MECOM: variants seen among roughly 807,000 people sequenced by gnomAD.
MECOM encodes the protein histone-lysine N-methyltransferase MECOM.
MECOM carries 13 observed loss-of-function variants against 116.3 expected under a neutral mutation model. The observed-to-expected ratio is 0.11, with a 90% CI of 0.07 to 0.18. The LOEUF is 0.18. Among genes scored for constraint, MECOM ranks in the 10% least tolerant of loss-of-function variants. The pLI, the probability that MECOM is intolerant of heterozygous loss-of-function variation, is 1.00. For synonymous variants in MECOM, 528 were observed against 535.2 expected, an observed-to-expected ratio of 0.99 and a Z score of 0.19; for missense variants, 1,299 against 1,509.0, an observed-to-expected ratio of 0.86 and a Z score of 2.31.
At chr3:169,525,944 G>A (rs554615670) in intron 1 of MECOM, among the ~76,000 whole-genome samples, 8 of 152,030 alleles carry the variant, frequency 5.3e-5, no homozygotes, top group Admixed American at 3.3e-4. Context: ...CAGGAGAATC[G>A]CTTGAACCCA....
intron 1 of MECOM, among the ~76,000 whole-genome samples, chr3:169,430,408 A>T (rs1578077030): frequency 6.6e-6 from 1 of 152,190 alleles, no homozygotes; most frequent in Non-Finnish European, 1.5e-5. Context: ...ATTAATTGTG[A>T]TTTTATCATT....
intron 1 of MECOM, among the ~76,000 whole-genome samples, chr3:169,463,584 A>G (rs890717979): frequency 1.3e-5 from 2 of 152,176 alleles, no homozygotes; most frequent in African/African-American, 2.4e-5. Flanking sequence ...AAATTATTAT[A>G]TTTTAAACTC....
chr3:169,602,390 T>G (rs964026985), intron 1 of MECOM, among the ~76,000 whole-genome samples: 4 of 152,214 alleles, frequency 2.6e-5, no homozygotes, highest in African/African-American at 9.7e-5. Context: ...TATGCTCAAA[T>G]AGTATTTTTA....
chr3:169,363,816 C>T (rs1167231744), intron 2 of MECOM, among the ~76,000 whole-genome samples: 4 of 151,690 alleles, frequency 2.6e-5, no homozygotes, highest in Non-Finnish European at 4.4e-5. Context: ...ATTTTCCCAC[C>T]GCACAATGGC....
intron 1 of MECOM, chr3:169,472,912 T>TAAAA: frequency 1.1e-6 from 1 of 944,658 alleles, no homozygotes; most frequent in Non-Finnish European, 1.3e-6. Context: ...TCACATGTTC[T>TAAAA]AAAAATCAAT....
At position 169,152,348 on chromosome 3, in the gene MECOM, G is replaced by A. The variant is rs901897796; in HGVS notation, c.376-8516C>T. 1.4e-4 allele frequency among the ~76,000 whole-genome samples: 22 copies of A among 152,142 alleles called. No homozygotes were observed. In the South Asian group the frequency reaches 2.5e-3, roughly 17 times the overall value. On this transcript the variant is annotated intron_variant, in intron 2 of 16. Coordinates refer to ENST00000651503, the MANE Select transcript of MECOM (RefSeq NM_004991.4). ...TTTCCCTTGGTCTGGAAATGGGCCCGACTGAAAGCATGTTAATCTCCACCT... is the reference window on the plus strand; with the variant it reads ...TTTCCCTTGGTCTGGAAATGGGCCCAACTGAAAGCATGTTAATCTCCACCT...
chr3:169,282,187 A>G (rs1014818736), intron 2 of MECOM, among the ~76,000 whole-genome samples: 1 of 152,228 alleles, frequency 6.6e-6, no homozygotes, highest in Non-Finnish European at 1.5e-5. Flanking sequence ...AAAATAGAGT[A>G]TAAGCCTATT....
At chr3:169,172,606 T>C (rs1681597141) in intron 2 of MECOM, among the ~76,000 whole-genome samples, 1 of 152,166 alleles carries the variant, frequency 6.6e-6, no homozygotes, top group African/African-American at 2.4e-5. Context: ...ATTGCAACTT[T>C]ATGAAACTGA....
chr3:169,459,062 G>A (rs1746997738), intron 1 of MECOM, among the ~76,000 whole-genome samples: 1 of 152,178 alleles, frequency 6.6e-6, no homozygotes, highest in Non-Finnish European at 1.5e-5. Context: ...TACCTGTATT[G>A]GGAAGGTTGT....
chr3:169,165,138 A>G (rs756245183), intron 2 of MECOM, among the ~76,000 whole-genome samples: 3 of 152,214 alleles, frequency 2.0e-5, no homozygotes, highest in African/African-American at 4.8e-5. Context: ...GTGAAGACAC[A>G]TATAGATACA....
chr3:169,500,419 T>C (rs1348111293), intron 1 of MECOM, among the ~76,000 whole-genome samples: 3 of 152,020 alleles, frequency 2.0e-5, no homozygotes, highest in Non-Finnish European at 2.9e-5. Flanking sequence ...AACCTGTGTA[T>C]GTCAAAAAGA....
chr3:169,534,122 A>G (rs1488704430), intron 1 of MECOM, among the ~76,000 whole-genome samples: 2 of 152,198 alleles, frequency 1.3e-5, no homozygotes, highest in Non-Finnish European at 2.9e-5. Flanking sequence ...CAGCAGATGC[A>G]CTATGAATTT....
At chr3:169,494,227 G>C (rs1045945581) in intron 1 of MECOM, among the ~76,000 whole-genome samples, 23 of 151,958 alleles carry the variant, frequency 1.5e-4, no homozygotes, top group African/African-American at 5.6e-4. Context: ...AATTTTAAGT[G>C]ATGTTGCTCT....
At chr3:169,610,256 G>A (rs977060070) in intron 1 of MECOM, among the ~76,000 whole-genome samples, 2 of 152,086 alleles carry the variant, frequency 1.3e-5, no homozygotes, top group Admixed American at 1.3e-4. Context: ...GTAAATAAAG[G>A]AATACGATCT....
chr3:169,309,226 T>A (rs940144105), intron 2 of MECOM, among the ~76,000 whole-genome samples: 3 of 152,198 alleles, frequency 2.0e-5, no homozygotes, highest in African/African-American at 7.2e-5. Context: ...AGTACATTCT[T>A]TTGACAAAAA....
chr3:169,546,714 A>G (rs984630003), intron 1 of MECOM, among the ~76,000 whole-genome samples: 1 of 151,710 alleles, frequency 6.6e-6, no homozygotes, highest in African/African-American at 2.4e-5. Context: ...CTCTAAAGAA[A>G]GAAAGAAAGA....
chr3:169,085,776 A>C (rs1717517352), intron 16 of MECOM, among the ~76,000 whole-genome samples: 1 of 152,058 alleles, frequency 6.6e-6, no homozygotes, highest in Non-Finnish European at 1.5e-5. Context: ...GTGAGGAAGT[A>C]CTCTTTCTTC....
intron 16 of MECOM, chr3:169,086,486 C>G: frequency 1.5e-6 from 1 of 657,482 alleles, no homozygotes; most frequent in Middle Eastern, 2.4e-4. Context: ...AAATTTTAAT[C>G]CTGCCTTTAA....
At chr3:169,468,849 G>C (rs1043702963) in intron 1 of MECOM, among the ~76,000 whole-genome samples, 3 of 152,036 alleles carry the variant, frequency 2.0e-5, no homozygotes, top group African/African-American at 7.2e-5. Flanking sequence ...AACTCGCCTG[G>C]GAACAGACTC....
Sources: gnomAD v4.1 joint callset for allele counts (sites outside exome capture counted in the v4.1 genomes callset) on GRCh38, gnomAD v4.1.1 for gene constraint, MANE v1.5 for transcripts, NCBI Gene and HGNC (gene_info 2026-07-23, HGNC 2026-07-21) for gene names.